Variants in TLK1 observed in about 807,000 individuals in gnomAD.
The protein encoded by TLK1 is serine/threonine-protein kinase tousled-like 1.
TLK1 carries 24 observed loss-of-function variants against 105.3 expected under a neutral mutation model. The ratio of observed to expected loss-of-function variants is 0.23; its 90% CI spans 0.17 to 0.32. The LOEUF (loss-of-function observed/expected upper bound fraction) is 0.32. Among genes scored for constraint, TLK1 ranks in the 10% least tolerant of loss-of-function variants. The pLI is 1.00. For synonymous variants in TLK1, 321 were observed against 310.4 expected (o/e 1.03, Z -0.36); for missense variants, 558 against 910.5 (o/e 0.61, Z 4.98).
chr2:171,160,626 G>C lies in TLK1; in HGVS notation c.-198C>G. 1 of 774,288 alleles carries C rather than the reference G, an allele frequency of 1.3e-6. No individual in the cohort carries two copies. The highest frequency in any genetic ancestry group is 1.9e-6 in the Non-Finnish European group (1 of 515,450). The allele number at this position is 774,288 out of a possible 1,614,324, so 48.0% of individuals were successfully genotyped here. ...GGAAAGAGGTGAGGGAAGGAGAGGG[G>C]ACAGGGAGGAGGGAAAGGGGGAGAA... is the stretch of plus-strand genomic sequence containing the variant. On this transcript the variant is annotated 5_prime_UTR_variant, in exon 1 of 21. Coordinates refer to ENST00000431350, the MANE Select transcript of TLK1 (RefSeq NM_012290.5). This position sits in a 1 kb window ranked among gnomAD's most constrained non-coding sequence, Gnocchi z 4.4.
chr2:171,075,080 T>C (rs1429663524), intron 3 of TLK1, among the ~76,000 whole-genome samples: 1 of 152,026 alleles, frequency 6.6e-6, no homozygotes. Context: ...AATTAAAATT[T>C]AATGAAAATG....
chr2:171,072,416 A>C (rs1688304324), intron 3 of TLK1, among the ~76,000 whole-genome samples: 1 of 152,326 alleles, frequency 6.6e-6, no homozygotes, highest in South Asian at 2.1e-4. Context: ...AAGTTCGACC[A>C]GCCTGGCCAA....
chr2:171,024,876 A>C (rs1685700718), intron 12 of TLK1, among the ~76,000 whole-genome samples: 1 of 152,244 alleles, frequency 6.6e-6, no homozygotes, highest in Non-Finnish European at 1.5e-5. Flanking sequence ...AAGTCACTTA[A>C]TAAATGGGTG....
chr2:171,018,874 T>C (rs1309746983), intron 12 of TLK1, among the ~76,000 whole-genome samples: 1 of 152,202 alleles, frequency 6.6e-6, no homozygotes, highest in African/African-American at 2.4e-5. Context: ...AAGAACAGAC[T>C]GTATTAAAGA....
intron 11 of TLK1, among the ~76,000 whole-genome samples, chr2:171,030,193 A>G (rs2555927): frequency 0.043 from 6,617 of 152,306 alleles, 432 homozygotes; most frequent in African/African-American, 0.14. Flanking sequence ...ATTTAGTATA[A>G]ATGCCATTTC....
At chr2:171,027,343 T>C (rs1685821566) in intron 12 of TLK1, among the ~76,000 whole-genome samples, 1 of 152,178 alleles carries the variant, frequency 6.6e-6, no homozygotes, top group African/African-American at 2.4e-5. Flanking sequence ...TGTCTGTCAG[T>C]AACTTAATTT....
At chr2:170,997,906 G>T (rs80037512) in intron 18 of TLK1, 83 bp from the exon 19 acceptor site, 2 of 764,316 alleles carry the variant, frequency 2.6e-6, no homozygotes, top group South Asian at 2.3e-5. Flanking sequence ...CTTAGAACAC[G>T]AATTTTATTC....
At chr2:171,230,900 A>T (rs1200453513) in intron 1 of TLK1, among the ~76,000 whole-genome samples, 1 of 152,132 alleles carries the variant, frequency 6.6e-6, no homozygotes, top group Non-Finnish European at 1.5e-5. Flanking sequence ...TCCACTATCA[A>T]GTGTACCCGT....
chr2:171,061,171 A>G lies in TLK1; in HGVS notation c.331-15T>C, dbSNP rs371662511. 5.0e-6 allele frequency: 8 copies of G among 1,611,666 alleles called. No homozygotes were observed. Among genetic ancestry groups the G allele is most frequent in the South Asian group, 2.2e-5 (2 of 90,592 alleles). On this transcript the variant is annotated splice_polypyrimidine_tract_variant and intron_variant, in intron 3 of 20. Transcript: ENST00000431350. ...TTCTCCGGTGTCTACAGAAAACAAGATAACAGATTTTTAAATGACAGTTTT... is the reference window on the plus strand; with the variant it reads ...TTCTCCGGTGTCTACAGAAAACAAGGTAACAGATTTTTAAATGACAGTTTT...
chr2:171,168,361 C>T (rs142051450), intron 1 of TLK1, among the ~76,000 whole-genome samples: 20 of 152,054 alleles, frequency 1.3e-4, no homozygotes, highest in African/African-American at 4.8e-4. Context: ...ATTTCTTCCT[C>T]CTCTTCCAAA....
rs535542520 is a variant in TLK1, at chr2:171,049,237, C to A, written c.980+577G>T. Among the ~76,000 whole-genome samples the A allele has an allele frequency of 3.9e-5, 6 of 152,202 alleles. No homozygotes were observed. In the East Asian group the frequency reaches 1.2e-3, roughly 29 times the overall value. On this transcript the variant is annotated intron_variant, in intron 10 of 20. Transcript: ENST00000431350. ...CCGAACCTCAGTATCAAGCAATATA[C>A]CCCTGTAACAACCTGCATATATATT...
chr2:171,149,660 C>T (rs1575631097), intron 1 of TLK1, among the ~76,000 whole-genome samples: 1 of 152,302 alleles, frequency 6.6e-6, no homozygotes, highest in East Asian at 1.9e-4. Context: ...AATCCCAACA[C>T]TTTGGGAGGC....
intron 11 of TLK1, 157 bp downstream of exon 11, chr2:171,046,017 G>A: frequency 1.8e-6 from 1 of 557,012 alleles, no homozygotes; most frequent in Non-Finnish European, 2.9e-6. Flanking sequence ...TCAGATATTT[G>A]GGGCTATTAA....
intron 1 of TLK1, among the ~76,000 whole-genome samples, chr2:171,225,660 A>C (rs908861665): frequency 6.6e-6 from 1 of 152,182 alleles, no homozygotes; most frequent in African/African-American, 2.4e-5. Context: ...AAAAAACCCT[A>C]ACGTTTATAC....
At chr2:171,185,738 G>A (rs1471294262) in intron 1 of TLK1, among the ~76,000 whole-genome samples, 1 of 152,064 alleles carries the variant, frequency 6.6e-6, no homozygotes, top group Non-Finnish European at 1.5e-5. Flanking sequence ...TCTAGCATAC[G>A]CTTTTACATT....
intron 1 of TLK1, among the ~76,000 whole-genome samples, chr2:171,181,741 G>A (rs1692931968): frequency 6.6e-6 from 1 of 152,150 alleles, no homozygotes; most frequent in African/African-American, 2.4e-5. Context: ...ATCTCTTCTT[G>A]AAGGATCCAC....
chr2:171,018,578 G>C (rs1559345377), intron 12 of TLK1, among the ~76,000 whole-genome samples: 1 of 152,128 alleles, frequency 6.6e-6, no homozygotes, highest in Non-Finnish European at 1.5e-5. Flanking sequence ...TTTTTCCAAG[G>C]GTTCAGGAGA....
chr2:171,006,321 A>C (rs778455786), intron 17 of TLK1, 39 bp from the exon 18 acceptor site: 1 of 1,535,450 alleles, frequency 6.5e-7, no homozygotes, highest in South Asian at 1.3e-5. Context: ...TGATACATAC[A>C]TGAAAAACAT....
chr2:171,006,537 C>T lies in TLK1; in HGVS notation c.1705G>A (p.Val569Ile). Residue 569 changes from valine (V) to isoleucine (I), a missense_variant, in exon 17 of 21, where the codon GTA becomes ATA. By Grantham distance (29) the Val-to-Ile change is conservative. Transcript: ENST00000431350. ...KEARSIVMQIVNALRYLNEIK... is the reference protein window; with the variant it reads ...KEARSIVMQIINALRYLNEIK... ...TCATTGAGATATCTTAGTGCATTTA[C>T]AATCTGCATTACAATAGACCGAGCT... 1 of 1,612,922 alleles carries T rather than the reference C, an allele frequency of 6.2e-7. No homozygotes were observed. The highest frequency in any genetic ancestry group is 2.2e-5 in the East Asian group (1 of 44,772).
Sources: gnomAD v4.1 joint callset for allele counts (sites outside exome capture counted in the v4.1 genomes callset) on GRCh38, gnomAD v4.1.1 for gene constraint, Gnocchi (gnomAD v3.1) non-coding constraint, MANE v1.5 for transcripts, NCBI Gene and HGNC (gene_info 2026-07-23, HGNC 2026-07-21) for gene names.